SLC9A7: variants seen among roughly 807,000 people sequenced by gnomAD.
SLC9A7 encodes the protein solute carrier family 9 member A7, also known as sodium/hydrogen exchanger 7.
SLC9A7 carries 19 observed loss-of-function variants against 52.6 expected under a neutral mutation model. The observed-to-expected ratio is 0.36, with a 90% CI of 0.25 to 0.53. The LOEUF is 0.53. SLC9A7 is among the 20% of genes least tolerant of loss of function. The pLI is 0.91. For missense variants in SLC9A7, 455 were observed against 597.9 expected, an observed-to-expected ratio of 0.76 and a Z score of 2.49; for synonymous variants, 226 against 252.1, an observed-to-expected ratio of 0.90 and a Z score of 0.98.
intron 16 of SLC9A7, among the ~76,000 whole-genome samples, chrX:46,609,726 CAAAA>C (rs754643432): frequency 3.7e-5 from 4 of 107,626 alleles, no homozygotes; most frequent in Non-Finnish European, 5.8e-5. Flanking sequence ...CAAAAGAAAA[CAAAA>C]AAAAACCCAT....
chrX:46,679,570 G>C, intron 3 of SLC9A7, 108 bp downstream of exon 3: 1 of 599,544 alleles, frequency 1.7e-6, no homozygotes. Context: ...AGTGGGTGCA[G>C]AACAAAGTAA....
rs1010604453 is a variant in SLC9A7 at position 46,729,522 on chromosome X, G to C, written c.325+29183C>G. Among the ~76,000 whole-genome samples the C allele has an allele frequency of 6.7e-4, 75 of 111,261 alleles. 1 individual carries two copies. The highest frequency in any genetic ancestry group is 6.2e-3 in the Admixed American group (65 of 10,463). On this transcript the variant is annotated intron_variant, in intron 1 of 16. Coordinates refer to ENST00000616978, the MANE Select transcript of SLC9A7 (RefSeq NM_001257291.2). ...GGCGTGGTGGCTCATGCCTGTAATC[G>C]CAGCACTTTGGGAGGCCGAGATGGG...
At chrX:46,625,888 C>T (rs983718891) in intron 14 of SLC9A7, among the ~76,000 whole-genome samples, 2 of 111,879 alleles carry the variant, frequency 1.8e-5, no homozygotes, top group African/African-American at 6.5e-5. Context: ...TACTGACAAC[C>T]TGAATGAGCC....
At chrX:46,663,536 G>A (rs1246012160) in intron 5 of SLC9A7, among the ~76,000 whole-genome samples, 2 of 104,891 alleles carry the variant, frequency 1.9e-5, no homozygotes, top group Non-Finnish European at 3.9e-5. Flanking sequence ...TACTTGGGAG[G>A]CTGAGGCAGG....
chrX:46,684,351 T>C (rs947239237), intron 1 of SLC9A7, among the ~76,000 whole-genome samples: 1 of 110,483 alleles, frequency 9.1e-6, no homozygotes, highest in Non-Finnish European at 1.9e-5. Flanking sequence ...ACTACAGGCA[T>C]GCGCTATCAC....
intron 1 of SLC9A7, among the ~76,000 whole-genome samples, chrX:46,710,724 G>C (rs1043731807): frequency 2.7e-5 from 3 of 111,990 alleles, no homozygotes; most frequent in African/African-American, 9.7e-5. Flanking sequence ...GGCTGTTAGT[G>C]GGGAGAGGTG....
intron 7 of SLC9A7, among the ~76,000 whole-genome samples, chrX:46,655,629 G>A (rs759701884): frequency 8.9e-6 from 1 of 112,113 alleles, no homozygotes; most frequent in African/African-American, 3.2e-5. Context: ...CTGGAAAATC[G>A]GGTCACTCCC....
intron 14 of SLC9A7, among the ~76,000 whole-genome samples, chrX:46,625,713 CAAAA>C (rs756504189): frequency 4.4e-5 from 2 of 45,097 alleles, no homozygotes; most frequent in Admixed American, 5.5e-4. Flanking sequence ...GTCTCTCTCT[CAAAA>C]AAAAAAAAAA....
intron 1 of SLC9A7, among the ~76,000 whole-genome samples, chrX:46,683,612 T>C (rs1602226329): frequency 9.0e-6 from 1 of 111,506 alleles, no homozygotes; most frequent in East Asian, 2.8e-4. Flanking sequence ...TGTATAAGCA[T>C]TCAATTCTGT....
chrX:46,717,020 G>T (rs141303196), intron 1 of SLC9A7, among the ~76,000 whole-genome samples: 1 of 112,099 alleles, frequency 8.9e-6, no homozygotes, highest in Non-Finnish European at 1.9e-5. Context: ...CAGAATAACC[G>T]CATTTTCCTA....
intron 14 of SLC9A7, among the ~76,000 whole-genome samples, chrX:46,626,555 G>A (rs1332949146): frequency 8.9e-6 from 1 of 112,930 alleles, no homozygotes; most frequent in Non-Finnish European, 1.9e-5. Flanking sequence ...GATTACAGGT[G>A]TGAGCCACCA....
At position 46,651,124 on chromosome X, in the gene SLC9A7, T is replaced by C. The variant is rs778748903; in HGVS notation, c.1336A>G (p.Ile446Val). 2.5e-6 allele frequency: 3 copies of C among 1,204,531 alleles called. No homozygotes were observed. Among genetic ancestry groups the C allele is most frequent in the East Asian group, 5.9e-5 (2 of 33,715 alleles). Residue 446 changes from isoleucine (I) to valine (V), a missense_variant, in exon 10 of 17, where the codon ATC (isoleucine) becomes GTC (valine). By Grantham distance (29) the Ile-to-Val change is conservative. Coordinates refer to ENST00000616978, the MANE Select transcript of SLC9A7 (RefSeq NM_001257291.2). ...FQKHVFSPIFIIGAFVAIFLG... is the reference protein window; with the variant it reads ...FQKHVFSPIFVIGAFVAIFLG... Reference sequence around the variant, plus strand: ...GAAAAGGATACAAAAGCTCCGATGATGAAAATGGGGCTGAAAACGTGCTTC... The same window carrying C: ...GAAAAGGATACAAAAGCTCCGATGACGAAAATGGGGCTGAAAACGTGCTTC...
At chrX:46,698,817 C>CAGAA (rs1025603928) in intron 1 of SLC9A7, among the ~76,000 whole-genome samples, 3 of 111,608 alleles carry the variant, frequency 2.7e-5, no homozygotes, top group African/African-American at 9.8e-5. Flanking sequence ...GGACAGTAGG[C>CAGAA]AGAAATTCAT....
intron 13 of SLC9A7, 82 bp from the exon 14 acceptor site, chrX:46,631,731 G>T: frequency 1.4e-6 from 1 of 731,265 alleles, no homozygotes; most frequent in Non-Finnish European, 2.1e-6. Context: ...GCTGCAAGTA[G>T]CCTGGAGGCT....
Position 46,758,748 on chromosome X carries a change from G to A in SLC9A7, c.282C>T (p.Arg94=). 8.3e-7 allele frequency: 1 copy of A among 1,199,240 alleles called. No individual in the cohort carries two copies. The part of the protein sequence containing the change: ...TILTIWLFKH[R]RVRFLHETGL... Reference sequence around the variant, plus strand: ...CGGTCTCGTGCAGAAAGCGCACCCGGCGGTGCTTGAAGAGCCAGATGGTGA... The same window carrying A: ...CGGTCTCGTGCAGAAAGCGCACCCGACGGTGCTTGAAGAGCCAGATGGTGA... Residue 94 remains arginine, a synonymous_variant, in exon 1 of 17, where the codon CGC becomes CGT. Transcript: ENST00000616978.
rs1943956104 is a variant in SLC9A7, at chrX:46,668,348, A to G, written c.793+1259T>C. Among the ~76,000 whole-genome samples, 3 of 111,211 alleles carry G rather than the reference A, an allele frequency of 2.7e-5. No homozygotes were observed. In the Admixed American group the frequency reaches 2.9e-4, roughly 11 times the overall value. On this transcript the variant is annotated intron_variant, in intron 5 of 16. Transcript: ENST00000616978. ...AACATGGAGAAACCCTGTCTCTACT[A>G]AAAATACAAAAAAATTAGCCGGGCA...
At chrX:46,640,261 G>C (rs1266730570) in intron 12 of SLC9A7, among the ~76,000 whole-genome samples, 1 of 112,280 alleles carries the variant, frequency 8.9e-6, no homozygotes, top group Non-Finnish European at 1.9e-5. Flanking sequence ...CCCATGCATA[G>C]AGACAACTGA....
At chrX:46,620,864 C>A in intron 15 of SLC9A7, 113 bp downstream of exon 15, 1 of 536,372 alleles carries the variant, frequency 1.9e-6, no homozygotes, top group South Asian at 3.1e-5. Context: ...GATGGGCTAT[C>A]CCTGTCCCAA....
At chrX:46,701,606 C>CA (rs1266895584) in intron 1 of SLC9A7, among the ~76,000 whole-genome samples, 1 of 109,994 alleles carries the variant, frequency 9.1e-6, no homozygotes, top group Non-Finnish European at 1.9e-5. Context: ...CAAACAAAAA[C>CA]AAAAAGAAAC....
Sources: allele counts gnomAD v4.1 joint callset (sites outside exome capture counted in the v4.1 genomes callset), GRCh38; gene constraint gnomAD v4.1.1; transcripts MANE v1.5; gene names NCBI Gene and HGNC (gene_info 2026-07-23, HGNC 2026-07-21).